Variants in MAPK8IP3 observed in about 807,000 individuals in gnomAD.
The protein encoded by MAPK8IP3 is C-Jun-amino-terminal kinase-interacting protein 3.
Under a neutral mutation model 157.8 loss-of-function variants are expected in MAPK8IP3, and 49 were observed. The ratio of observed to expected loss-of-function variants is 0.31; its 90% confidence interval spans 0.25 to 0.39. The LOEUF is 0.39. MAPK8IP3 is among the 10% of genes least tolerant of loss of function. The probability of loss-of-function intolerance (pLI) is 1.00; values close to 1 mark genes in which losing one functional copy is unlikely to be tolerated. For synonymous variants in MAPK8IP3, 897 were observed against 777.7 expected, an observed-to-expected ratio of 1.15 and a Z score of -2.55; for missense variants, 1,478 against 1,889.4, an observed-to-expected ratio of 0.78 and a Z score of 4.04.
At chr16:1,754,502 A>T (rs1346788014) in intron 8 of MAPK8IP3, among the ~76,000 whole-genome samples, 4 of 152,142 alleles carry the variant, frequency 2.6e-5, no homozygotes, top group African/African-American at 9.7e-5. Context: ...GGCCGGGCAC[A>T]GTGGTTCATG....
At chr16:1,735,440 T>C (rs113152561) in intron 4 of MAPK8IP3, among the ~76,000 whole-genome samples, 2 of 140,670 alleles carry the variant, frequency 1.4e-5, no homozygotes, top group African/African-American at 2.7e-5. Flanking sequence ...CGTGTGAGCA[T>C]CCGTGTGACC....
In MAPK8IP3 at chr16:1,710,729, G is replaced by A. The variant is rs1028095088; in HGVS notation, c.318+4072G>A. 5.9e-5 allele frequency among the ~76,000 whole-genome samples: 9 copies of A among 152,042 alleles called. No individual in the cohort carries two copies. The highest frequency in any genetic ancestry group is 2.2e-4 in the African/African-American group (9 of 41,390). On this transcript the variant is annotated intron_variant, in intron 1 of 31. Coordinates refer to ENST00000610761, the MANE Select transcript of MAPK8IP3 (RefSeq NM_001318852.2). The surrounding 1 kb of genome is among the most constrained non-coding windows in gnomAD (Gnocchi z 4.1). Reference sequence around the variant, plus strand: ...CAAATAGTAAATCCACCACTGCTTGGCCAGAGTATGCGATTTCTTTTCCTG... The same window carrying A: ...CAAATAGTAAATCCACCACTGCTTGACCAGAGTATGCGATTTCTTTTCCTG...
At position 1,748,327 on chromosome 16, in the gene MAPK8IP3, C is replaced by T; in HGVS notation, c.1078C>T (p.Leu360=). 3.1e-6 allele frequency: 5 copies of T among 1,613,842 alleles called. No individual in the cohort carries two copies. Among genetic ancestry groups the T allele is most frequent in the Non-Finnish European group, 4.2e-6 (5 of 1,179,994 alleles). ...PELDMCPETR[L]DRTGSSPTQG... ...GCTGGACATGTGTCCAGAGACCCGC[C>T]TGGACCGCACAGGAAGCAGGTACTG... is the stretch of plus-strand genomic sequence containing the variant. Residue 360 remains leucine, a synonymous_variant, in exon 7 of 32, where the codon CTG becomes TTG. Coordinates refer to ENST00000610761, the MANE Select transcript of MAPK8IP3 (RefSeq NM_001318852.2).
chr16:1,756,477 A>G (rs2041604282), intron 8 of MAPK8IP3, among the ~76,000 whole-genome samples: 1 of 151,248 alleles, frequency 6.6e-6, no homozygotes, highest in Admixed American at 6.6e-5. Flanking sequence ...ACAGAACGAG[A>G]CCCCATCTAA....
At chr16:1,756,185 A>G (rs1465867073) in intron 8 of MAPK8IP3, among the ~76,000 whole-genome samples, 1 of 152,170 alleles carries the variant, frequency 6.6e-6, no homozygotes, top group East Asian at 1.9e-4. Flanking sequence ...GTCTTGGGGG[A>G]GCGGGTACAG....
chr16:1,718,363 T>C (rs1028387505), intron 1 of MAPK8IP3, among the ~76,000 whole-genome samples: 1 of 151,638 alleles, frequency 6.6e-6, no homozygotes, highest in East Asian at 2.0e-4. Flanking sequence ...TTTGTATTTT[T>C]AGTAGAGACG....
chr16:1,762,545 C>G, intron 14 of MAPK8IP3, 64 bp downstream of exon 14: 1 of 1,597,910 alleles, frequency 6.3e-7, no homozygotes, highest in Non-Finnish European at 8.5e-7. Context: ...ACTGCGGCTC[C>G]CTCCTCTGCA....
At chr16:1,718,454 G>A (rs2038300309) in intron 1 of MAPK8IP3, among the ~76,000 whole-genome samples, 1 of 151,962 alleles carries the variant, frequency 6.6e-6, no homozygotes, top group Non-Finnish European at 1.5e-5. Flanking sequence ...AAAGTGCTGG[G>A]ATTACAGGCA....
chr16:1,755,850 C>CAA (rs59789858), intron 8 of MAPK8IP3, among the ~76,000 whole-genome samples: 29 of 69,214 alleles, frequency 4.2e-4, no homozygotes, highest in African/African-American at 1.0e-3. Flanking sequence ...GAGTCTTTCT[C>CAA]AAAAAAAAAA....
chr16:1,768,832 G>C lies in MAPK8IP3; in HGVS notation c.*8G>C. On this transcript the variant is annotated 3_prime_UTR_variant, in exon 32 of 32. Transcript: ENST00000610761. The stretch of plus-strand genomic sequence containing the variant: ...TCCTACACCCCCGAGTGAAGCTGCT[G>C]CCCTGCCTGGCCCGACCTGTACATA... The C allele has an allele frequency of 1.9e-6, 3 of 1,611,380 alleles. No individual in the cohort carries two copies. Among genetic ancestry groups the C allele is most frequent in the Non-Finnish European group, 2.5e-6 (3 of 1,179,648 alleles).
intron 20 of MAPK8IP3, 123 bp from the exon 21 acceptor site, chr16:1,765,837 A>G: frequency 1.1e-6 from 1 of 882,376 alleles, no homozygotes; most frequent in Non-Finnish European, 1.7e-6. Context: ...CATGTGTGGA[A>G]GCTGGGTCTG....
rs2041292167 is a variant in MAPK8IP3, at chr16:1,751,579, A to G, written c.1216+2859A>G. ...AAGGTCTGTGCTGTTCAGTAGCTCT[A>G]TTGAGATGTGATTTCCACACTGTGT... On this transcript the variant is annotated intron_variant, in intron 8 of 31. Coordinates refer to ENST00000610761, the MANE Select transcript of MAPK8IP3 (RefSeq NM_001318852.2). This position sits in a 1 kb window ranked among gnomAD's most constrained non-coding sequence, Gnocchi z 5.0. 6.6e-6 allele frequency: 1 copy of G among 152,154 alleles called. No individual in the cohort carries two copies. The highest frequency in any genetic ancestry group is 2.4e-5 in the African/African-American group (1 of 41,402). The allele number at this position is 152,154 out of a possible 1,614,324, so 9.4% of individuals were successfully genotyped here.
At chr16:1,728,678 A>AAC (rs1567151901) in intron 2 of MAPK8IP3, among the ~76,000 whole-genome samples, 1 of 139,934 alleles carries the variant, frequency 7.1e-6, no homozygotes, top group African/African-American at 2.8e-5. Context: ...CCCATGGTAC[A>AAC]GGGCACAGCA....
chr16:1,744,668 C>CG (rs1206280006), intron 5 of MAPK8IP3: 27 of 985,360 alleles, frequency 2.7e-5, no homozygotes, highest in Non-Finnish European at 3.1e-5. Flanking sequence ...CAGCCTCAGC[C>CG]GGGGGGAGCC....
rs1191693785 is a variant in MAPK8IP3, at chr16:1,741,701, G to A, written c.603-1631G>A. Among the ~76,000 whole-genome samples the A allele has an allele frequency of 1.3e-5, 2 of 152,138 alleles. No individual in the cohort carries two copies. Among genetic ancestry groups the A allele is most frequent in the African/African-American group, 2.4e-5 (1 of 41,416 alleles). ...CACTGGGGTCATGCTCCCTGGGCCTGGTGGCTGGCTGCCTTCACGGTGGCC... is the reference window on the plus strand; with the variant it reads ...CACTGGGGTCATGCTCCCTGGGCCTAGTGGCTGGCTGCCTTCACGGTGGCC... On this transcript the variant is annotated intron_variant, in intron 4 of 31. Transcript: ENST00000610761. This position sits in a 1 kb window ranked among gnomAD's most constrained non-coding sequence, Gnocchi z 6.9.
At chr16:1,740,253 C>T (rs1254103978) in intron 4 of MAPK8IP3, among the ~76,000 whole-genome samples, 1 of 127,324 alleles carries the variant, frequency 7.9e-6, no homozygotes, top group Non-Finnish European at 1.7e-5. Flanking sequence ...TGTGACCGTT[C>T]GTGTGAGTGT....
At chr16:1,728,916 G>A (rs1265049130) in intron 2 of MAPK8IP3, among the ~76,000 whole-genome samples, 1 of 151,396 alleles carries the variant, frequency 6.6e-6, no homozygotes, top group Non-Finnish European at 1.5e-5. Flanking sequence ...ACAGGGCACA[G>A]CAGCCCCCAA....
intron 8 of MAPK8IP3, among the ~76,000 whole-genome samples, 164 bp from the exon 9 acceptor site, chr16:1,757,984 C>T (rs879848129): frequency 1.6e-4 from 25 of 152,238 alleles, no homozygotes; most frequent in Non-Finnish European, 2.9e-4. Flanking sequence ...CACGGGGCAC[C>T]GGGACCTGCT....
chr16:1,768,214 C>A lies in MAPK8IP3; in HGVS notation c.3578C>A (p.Pro1193His). ...LLGLRANKTS[P>H]TSGEGARPGG... ...CTCCCTGCAGCCAATAAGACATCCC[C>A]CACCTCTGGGGAGGGCGCCCGTCCC... Residue 1193 changes from proline to histidine, a missense_variant, in exon 30 of 32, where the codon CCC (proline) becomes CAC (histidine). Physicochemically the swap from Pro to His is moderately conservative, Grantham distance 77. Coordinates refer to ENST00000610761, the MANE Select transcript of MAPK8IP3 (RefSeq NM_001318852.2). The A allele has an allele frequency of 6.2e-7, 1 of 1,612,496 alleles. No individual in the cohort carries two copies. Among genetic ancestry groups the A allele is most frequent in the Non-Finnish European group, 8.5e-7 (1 of 1,179,912 alleles).
Sources: gnomAD v4.1 joint callset for allele counts (sites outside exome capture counted in the v4.1 genomes callset) on GRCh38, gnomAD v4.1.1 for gene constraint, Gnocchi (gnomAD v3.1) non-coding constraint, MANE v1.5 for transcripts, NCBI Gene and HGNC (gene_info 2026-07-23, HGNC 2026-07-21) for gene names.